Variants in RXRA observed in about 807,000 individuals in gnomAD.
The protein encoded by RXRA is retinoic acid receptor RXR-alpha.
A neutral mutation model predicts 44.5 loss-of-function variants in RXRA; 5 were observed. The observed-to-expected ratio is 0.11, with a 90% confidence interval of 0.06 to 0.24. The LOEUF is 0.24. Among genes scored for constraint, RXRA ranks in the 10% least tolerant of loss-of-function variants. RXRA has a pLI of 1.00. For missense variants in RXRA, 412 were observed against 646.5 expected (o/e 0.64, Z 3.93); for synonymous variants, 291 against 271.4 (o/e 1.07, Z -0.71).
In RXRA at chr9:134,440,337, A is replaced by G. The variant is rs1831712722; in HGVS notation, c.*3723A>G. 6.6e-6 allele frequency: 1 copy of G among 152,284 alleles called. No homozygotes were observed. 9.4% of individuals were successfully genotyped at this position (152,284 alleles called of 1,614,324 possible). The stretch of plus-strand genomic sequence containing the variant: ...GCAGGAGGGTGGGCCTGAGGCTTTC[A>G]AGGGTTTTCTTCCCTTTCGAGTAAT... On this transcript the variant is annotated 3_prime_UTR_variant, in exon 10 of 10. Transcript: ENST00000481739.
intron 4 of RXRA, among the ~76,000 whole-genome samples, chr9:134,410,795 C>T (rs1449003335): frequency 6.6e-6 from 1 of 152,246 alleles, no homozygotes; most frequent in African/African-American, 2.4e-5. Flanking sequence ...CGAGACCACT[C>T]TCAGATCCTG....
chr9:134,423,157 C>T (rs1163608614), intron 6 of RXRA: 24 of 985,328 alleles, frequency 2.4e-5, no homozygotes, highest in Admixed American at 6.1e-5. Flanking sequence ...GGGGCTGGTT[C>T]TTGCCGAGTC....
intron 2 of RXRA, chr9:134,402,182 G>A (rs919045912): frequency 1.7e-5 from 8 of 466,732 alleles, no homozygotes; most frequent in African/African-American, 1.6e-4. Flanking sequence ...CATGACTGGG[G>A]GACTCAGCAG....
At chr9:134,383,495 C>G (rs879319449) in intron 1 of RXRA, among the ~76,000 whole-genome samples, 2 of 152,150 alleles carry the variant, frequency 1.3e-5, no homozygotes, top group Admixed American at 6.5e-5. Flanking sequence ...ACCCTCATTC[C>G]GAGTCTCATG....
chr9:134,332,119 T>C (rs1299033139), intron 1 of RXRA, among the ~76,000 whole-genome samples: 1 of 152,176 alleles, frequency 6.6e-6, no homozygotes, highest in Non-Finnish European at 1.5e-5. Flanking sequence ...GGGTTGTCCT[T>C]GGCTTGGGGT....
chr9:134,363,661 G>A (rs1167881021), intron 1 of RXRA, among the ~76,000 whole-genome samples: 2 of 152,226 alleles, frequency 1.3e-5, no homozygotes, highest in African/African-American at 4.8e-5. Flanking sequence ...TGCGGCACCG[G>A]GTGTGGCTGG....
intron 1 of RXRA, among the ~76,000 whole-genome samples, chr9:134,377,095 G>A (rs1191794865): frequency 6.6e-6 from 1 of 152,250 alleles, no homozygotes; most frequent in African/African-American, 2.4e-5. Flanking sequence ...TGGGAATGGG[G>A]ACCTGGCCAG....
rs1303853560 is a variant in RXRA, at chr9:134,407,016, C to T, written c.280-1133C>T. 2.6e-5 allele frequency among the ~76,000 whole-genome samples: 4 copies of T among 152,186 alleles called. No individual in the cohort carries two copies. Among genetic ancestry groups the T allele is most frequent in the African/African-American group, 7.2e-5 (3 of 41,440 alleles). ...GCACCCCCACTGTGCTGAGTTGTCA[C>T]GGGGGACCTCCTGGCCTCTCGCAGC... On this transcript the variant is annotated intron_variant, in intron 2 of 9. Transcript: ENST00000481739. This position sits in a 1 kb window ranked among gnomAD's most constrained non-coding sequence, Gnocchi z 4.8.
rs559684519 is a variant in RXRA, at chr9:134,363,202, C to A, written c.28+36543C>A. Among the ~76,000 whole-genome samples the A allele has an allele frequency of 1.6e-4, 24 of 152,276 alleles. No individual in the cohort carries two copies. In the East Asian group the frequency reaches 4.6e-3, roughly 29 times the overall value. On this transcript the variant is annotated intron_variant, in intron 1 of 9. Transcript: ENST00000481739. ...CCCATGGGGACCTTTTGGGAGTCGTCATTAGTGATGGAAGTAACCCAAGTC... is the reference window on the plus strand; with the variant it reads ...CCCATGGGGACCTTTTGGGAGTCGTAATTAGTGATGGAAGTAACCCAAGTC...
chr9:134,385,145 C>G (rs138307602), intron 1 of RXRA, among the ~76,000 whole-genome samples: 405 of 152,324 alleles, frequency 2.7e-3, no homozygotes, highest in Middle Eastern at 0.02. Context: ...GTGGACAGAG[C>G]TGGTTGGCTC....
intron 1 of RXRA, among the ~76,000 whole-genome samples, chr9:134,358,758 G>T (rs1393414509): frequency 6.6e-6 from 1 of 150,806 alleles, no homozygotes; most frequent in East Asian, 2.0e-4. Context: ...CCTGGGCCCC[G>T]GCTGGGGTCT....
At chr9:134,387,371 T>C (rs1251875221) in intron 1 of RXRA, among the ~76,000 whole-genome samples, 1 of 152,220 alleles carries the variant, frequency 6.6e-6, no homozygotes, top group African/African-American at 2.4e-5. Context: ...ACAGGCTCAG[T>C]GCCGTGGAGT....
chr9:134,379,518 A>G, intron 1 of RXRA: 1 of 985,858 alleles, frequency 1.0e-6, no homozygotes, highest in Non-Finnish European at 1.2e-6. Context: ...TGTGGCAGGC[A>G]CTGCCAGTGG....
At chr9:134,421,897 G>A (rs963082828) in intron 6 of RXRA, 92 bp downstream of exon 6, 4 of 1,543,466 alleles carry the variant, frequency 2.6e-6, no homozygotes, top group African/African-American at 1.4e-5. Context: ...CCGCACTCCC[G>A]GGACACTCCC....
At chr9:134,352,805 C>T (rs1462685604) in intron 1 of RXRA, among the ~76,000 whole-genome samples, 1 of 152,126 alleles carries the variant, frequency 6.6e-6, no homozygotes, top group East Asian at 1.9e-4. Flanking sequence ...GAGGTTGGAG[C>T]GGTCTCCCTT....
At position 134,433,429 on chromosome 9, in the gene RXRA, G is replaced by A. The variant is rs1489605323; in HGVS notation, c.1136-673G>A. Among the ~76,000 whole-genome samples the A allele has an allele frequency of 6.6e-6, 1 of 150,888 alleles. No homozygotes were observed. Among genetic ancestry groups the A allele is most frequent in the African/African-American group, 2.5e-5 (1 of 40,302 alleles). ...GCATGCAGGGAGGGCGAGGAGACTG[G>A]CTGGAGCGGAGGCAGCTGGGGGAGC... On this transcript the variant is annotated intron_variant, in intron 8 of 9. Transcript: ENST00000481739. This position sits in a 1 kb window ranked among gnomAD's most constrained non-coding sequence, Gnocchi z 4.2.
At chr9:134,361,672 G>C (rs983488816) in intron 1 of RXRA, among the ~76,000 whole-genome samples, 8 of 152,204 alleles carry the variant, frequency 5.3e-5, no homozygotes, top group Non-Finnish European at 1.0e-4. Flanking sequence ...CCTAATTGCC[G>C]AACAAGCACC....
chr9:134,423,179 C>G (rs1247549280), intron 6 of RXRA: 1 of 985,444 alleles, frequency 1.0e-6, no homozygotes, highest in Non-Finnish European at 1.2e-6. Flanking sequence ...GCCGGGGTAG[C>G]TGTGAGGCCA....
chr9:134,422,439 C>T (rs1181243214), intron 6 of RXRA: 4 of 1,270,872 alleles, frequency 3.1e-6, no homozygotes, highest in South Asian at 2.5e-5. Flanking sequence ...CTCCCCTCTC[C>T]CTAGACACTC....
Sources: allele counts gnomAD v4.1 joint callset (sites outside exome capture counted in the v4.1 genomes callset), GRCh38; gene constraint gnomAD v4.1.1; non-coding constraint Gnocchi (gnomAD v3.1); transcripts MANE v1.5; gene names NCBI Gene and HGNC (gene_info 2026-07-23, HGNC 2026-07-21).